The following WASHC2C variants were observed in gnomAD, a reference collection of about 807,000 sequenced individuals.
WASHC2C encodes the protein Vaccinia Penetration Factor.
WASHC2C carries 73 observed loss-of-function variants against 142.2 expected under a neutral mutation model. The ratio of observed to expected loss-of-function variants is 0.51; its 90% CI spans 0.43 to 0.62. The LOEUF is 0.62. Among genes scored for constraint, WASHC2C ranks in the 20% least tolerant of loss-of-function variants. WASHC2C has a pLI of 0.00. For missense variants in WASHC2C, 969 were observed against 1,531.7 expected (o/e 0.63, Z 6.13); for synonymous variants, 337 against 565.5 (o/e 0.60, Z 5.73).
In WASHC2C at chr10:45,744,897, G is replaced by A; in HGVS notation, c.684+15G>A. On this transcript the variant is annotated intron_variant, in intron 7 of 30. Coordinates refer to ENST00000623400, the MANE Select transcript of WASHC2C (RefSeq NM_001330074.2). ...AAGAAGAGGAGGTAAGGGCTGTTTG[G>A]TATGACCAGGTCACGGTGGGCAGCA... 1.8e-6 allele frequency: 1 copy of A among 556,854 alleles called. No homozygotes were observed. Among genetic ancestry groups the A allele is most frequent in the Non-Finnish European group, 3.1e-6 (1 of 319,948 alleles). The allele number at this position is 556,854 out of a possible 1,614,324, so 34.5% of individuals were successfully genotyped here. A position where few individuals can be genotyped will look rare whatever the true frequency, so the allele number is the denominator to read the frequency against.
chr10:45,756,386 T>G (rs2054293301), intron 15 of WASHC2C, among the ~76,000 whole-genome samples: 1 of 152,198 alleles, frequency 6.6e-6, no homozygotes, highest in South Asian at 2.1e-4. Context: ...GCTTGTTGAC[T>G]TGGGAAGATT....
intron 19 of WASHC2C, among the ~76,000 whole-genome samples, chr10:45,766,111 C>T (rs1354507242): frequency 2.0e-5 from 3 of 152,004 alleles, no homozygotes; most frequent in Non-Finnish European, 4.4e-5. Context: ...ATGGTCGAGT[C>T]CCTTAGAACA....
intron 17 of WASHC2C, among the ~76,000 whole-genome samples, chr10:45,762,716 T>C (rs1554880476): frequency 2.0e-5 from 3 of 152,084 alleles, no homozygotes; most frequent in Non-Finnish European, 4.4e-5. Context: ...CCATCCTGGC[T>C]AACATGGTGA....
intron 23 of WASHC2C, among the ~76,000 whole-genome samples, chr10:45,780,974 G>C (rs2057458497): frequency 6.6e-6 from 1 of 151,298 alleles, no homozygotes; most frequent in African/African-American, 2.4e-5. Context: ...CGCTGACCTT[G>C]AACTCTTGAC....
chr10:45,749,734 G>A (rs1554873096), intron 8 of WASHC2C, among the ~76,000 whole-genome samples: 1 of 149,138 alleles, frequency 6.7e-6, no homozygotes, highest in Non-Finnish European at 1.5e-5. Flanking sequence ...GCCGAGGCAG[G>A]AGAATAGCAT....
chr10:45,787,229 C>CT lies in WASHC2C; in HGVS notation c.3071dup (p.Leu1024PhefsTer16), dbSNP rs782010548. ...TTGATCTTCCAGCTCAGGCAGACAC[C>CT]TTACACAGTGCAAACAAGGTGATGA... On this transcript the variant is annotated frameshift_variant, in exon 28 of 31. Transcript: ENST00000623400. LOFTEE classifies it high-confidence loss of function. 2.3e-5 allele frequency: 34 copies of CT among 1,490,880 alleles called. No homozygotes were observed. Among genetic ancestry groups the CT allele is most frequent in the Non-Finnish European group, 2.9e-5 (32 of 1,094,300 alleles). The allele number at this position is 1,490,880 out of a possible 1,614,324, so 92.4% of individuals were successfully genotyped here.
At chr10:45,736,557 G>A (rs1445089889) in intron 3 of WASHC2C, among the ~76,000 whole-genome samples, 2 of 151,542 alleles carry the variant, frequency 1.3e-5, no homozygotes, top group African/African-American at 4.9e-5. Context: ...CCAAGATCCT[G>A]CCACTGCACT....
At chr10:45,743,937 T>C (rs71496640) in intron 6 of WASHC2C, among the ~76,000 whole-genome samples, 2,886 of 144,672 alleles carry the variant, frequency 0.02, 28 homozygotes, top group African/African-American at 0.033. Context: ...TTAGTAGAGA[T>C]GGGGTTTCAC....
At chr10:45,741,602 G>A (rs1224954983) in intron 5 of WASHC2C, among the ~76,000 whole-genome samples, 1 of 152,128 alleles carries the variant, frequency 6.6e-6, no homozygotes, top group Non-Finnish European at 1.5e-5. Context: ...CTGTGACGTC[G>A]TTGAACCTTT....
chr10:45,779,414 G>A (rs541105791), intron 23 of WASHC2C, among the ~76,000 whole-genome samples: 164 of 151,792 alleles, frequency 1.1e-3, no homozygotes, highest in African/African-American at 3.8e-3. Flanking sequence ...GCCAGTTGTG[G>A]GATGTAAACA....
At chr10:45,759,965 A>C (rs1381627755) in intron 17 of WASHC2C, among the ~76,000 whole-genome samples, 4 of 149,784 alleles carry the variant, frequency 2.7e-5, no homozygotes, top group Non-Finnish European at 5.9e-5. Flanking sequence ...TCAGATTTTA[A>C]ACTGTTCATG....
chr10:45,749,836 A>AAAAATATAT (rs1227809519), intron 8 of WASHC2C, among the ~76,000 whole-genome samples: 17 of 101,766 alleles, frequency 1.7e-4, no homozygotes, highest in African/African-American at 5.7e-4. Context: ...AAAAAAAAAA[A>AAAAATATAT]ATATATATAT....
intron 23 of WASHC2C, among the ~76,000 whole-genome samples, chr10:45,780,794 C>T (rs578000794): frequency 6.6e-6 from 1 of 151,294 alleles, no homozygotes; most frequent in South Asian, 2.1e-4. Flanking sequence ...ACTCTTGTCC[C>T]CCAGGCTGGA....
chr10:45,746,621 C>T lies in WASHC2C; in HGVS notation c.706C>T (p.His236Tyr), dbSNP rs200977979. 5.7e-4 allele frequency: 915 copies of T among 1,613,456 alleles called. 1 individual carries two copies. The African/African-American group carries it at 0.01, about 18-fold the overall frequency. The change falls in exon 8 of 31, where the codon CAT (histidine) becomes TAT (tyrosine). Residue 236 changes from histidine (H) to tyrosine (Y), a missense_variant. His to Tyr is a moderately conservative substitution (Grantham distance 83, BLOSUM62 2). Transcript: ENST00000623400. ...EEEESDEDFAHHSDNEQNQHT... is the reference protein window; with the variant it reads ...EEEESDEDFAYHSDNEQNQHT... ...AAAGGAGTCAGATGAAGATTTTGCC[C>T]ATCACAGTGACAATGAACAAAACCA... is the stretch of plus-strand genomic sequence containing the variant.
chr10:45,761,474 T>C (rs1394341447), intron 17 of WASHC2C, among the ~76,000 whole-genome samples: 3 of 152,242 alleles, frequency 2.0e-5, no homozygotes, highest in Admixed American at 1.3e-4. Flanking sequence ...CTCAGACTTG[T>C]GTGAAAACCC....
intron 28 of WASHC2C, among the ~76,000 whole-genome samples, chr10:45,787,860 C>G (rs553134757): frequency 6.6e-6 from 1 of 152,352 alleles, no homozygotes; most frequent in Admixed American, 6.5e-5. Flanking sequence ...GCACCAAGTT[C>G]CCACAGCAGC....
intron 8 of WASHC2C, among the ~76,000 whole-genome samples, chr10:45,748,762 T>A (rs1227986274): frequency 8.6e-5 from 13 of 151,822 alleles, no homozygotes; most frequent in Admixed American, 3.9e-4. Flanking sequence ...TGAAAAAAAA[T>A]TTTTTTAATT....
intron 20 of WASHC2C, 112 bp downstream of exon 20, chr10:45,769,730 A>G (rs2056380387): frequency 5.6e-6 from 8 of 1,422,470 alleles, no homozygotes; most frequent in Middle Eastern, 2.6e-4. Context: ...TCACATAGTG[A>G]TTGTGCCAGT....
chr10:45,746,653 G>T lies in WASHC2C; in HGVS notation c.732+6G>T, dbSNP rs1554871244. ...GTGACAATGAACAAAACCAGGTAAG[G>T]CTCATATATTGAAATGACTTTGTTT... is the stretch of plus-strand genomic sequence containing the variant. On this transcript the variant is annotated splice_donor_region_variant and intron_variant, in intron 8 of 30. Coordinates refer to ENST00000623400, the MANE Select transcript of WASHC2C (RefSeq NM_001330074.2). 2 of 1,613,142 alleles carry T rather than the reference G, an allele frequency of 1.2e-6. No individual in the cohort carries two copies. The highest frequency in any genetic ancestry group is 1.7e-6 in the Non-Finnish European group (2 of 1,179,366).
Sources: allele counts gnomAD v4.1 joint callset (sites outside exome capture counted in the v4.1 genomes callset), GRCh38; gene constraint gnomAD v4.1.1; transcripts MANE v1.5; gene names NCBI Gene and HGNC (gene_info 2026-07-23, HGNC 2026-07-21).